The following RGL1 variants were observed in gnomAD, a reference collection of about 807,000 sequenced individuals.
The protein encoded by RGL1 is ral guanine nucleotide dissociation stimulator-like 1.
RGL1 carries 24 observed loss-of-function variants against 95.2 expected under a neutral mutation model. The observed-to-expected ratio is 0.25, with a 90% CI of 0.18 to 0.35. The LOEUF (loss-of-function observed/expected upper bound fraction) is 0.35, where lower values mean the gene tolerates loss of function less well. RGL1 is among the 10% of genes least tolerant of loss of function. RGL1 has a pLI of 1.00. For missense variants in RGL1, 715 were observed against 936.3 expected (o/e 0.76, Z 3.08); for synonymous variants, 329 against 344.9 (o/e 0.95, Z 0.51).
intron 1 of RGL1, among the ~76,000 whole-genome samples, chr1:183,732,811 A>G (rs1656706158): frequency 6.6e-6 from 1 of 152,196 alleles, no homozygotes; most frequent in Non-Finnish European, 1.5e-5. Context: ...CATTGAATGT[A>G]TCCCAGTAAG....
intron 2 of RGL1, among the ~76,000 whole-genome samples, chr1:183,768,902 G>A (rs1445343912): frequency 6.6e-6 from 1 of 152,132 alleles, no homozygotes; most frequent in Non-Finnish European, 1.5e-5. Context: ...ATCCTGAACT[G>A]TCATATAAGA....
At chr1:183,643,224 A>G (rs1650045428) in intron 1 of RGL1, among the ~76,000 whole-genome samples, 1 of 152,180 alleles carries the variant, frequency 6.6e-6, no homozygotes. Flanking sequence ...ATACTGCTAT[A>G]AACATGGGTG....
chr1:183,644,460 A>G (rs1341681968), intron 1 of RGL1, among the ~76,000 whole-genome samples: 2 of 151,994 alleles, frequency 1.3e-5, no homozygotes, highest in Admixed American at 6.6e-5. Context: ...GGGTCTTGCT[A>G]TGTTGCCCAG....
At chr1:183,760,678 T>G (rs2102305926) in intron 2 of RGL1, among the ~76,000 whole-genome samples, 1 of 147,816 alleles carries the variant, frequency 6.8e-6, no homozygotes, top group African/African-American at 2.5e-5. Flanking sequence ...TCAGCAATCC[T>G]CACTCAGGAG....
chr1:183,712,215 A>G (rs934500988), intron 1 of RGL1, among the ~76,000 whole-genome samples: 2 of 152,202 alleles, frequency 1.3e-5, no homozygotes, highest in African/African-American at 4.8e-5. Context: ...TAGTTTAAGA[A>G]GGGCTGACTG....
chr1:183,662,124 C>A (rs28874952), intron 1 of RGL1, among the ~76,000 whole-genome samples: 1 of 139,238 alleles, frequency 7.2e-6, no homozygotes, highest in Non-Finnish European at 1.6e-5. Flanking sequence ...GGCAAAAACT[C>A]GAAGCATTCC....
chr1:183,896,986 C>G (rs1384105679), intron 9 of RGL1, among the ~76,000 whole-genome samples: 2 of 152,160 alleles, frequency 1.3e-5, no homozygotes, highest in African/African-American at 2.4e-5. Flanking sequence ...CAGAAAACTT[C>G]CGGTGCAAAA....
chr1:183,641,876 A>G (rs192299581), intron 1 of RGL1, among the ~76,000 whole-genome samples: 46 of 152,242 alleles, frequency 3.0e-4, no homozygotes, highest in African/African-American at 1.1e-3. Context: ...TCAATTTTAG[A>G]ATTTATGGTT....
chr1:183,821,111 C>T (rs748270828), intron 2 of RGL1, among the ~76,000 whole-genome samples: 5 of 151,754 alleles, frequency 3.3e-5, no homozygotes, highest in East Asian at 3.9e-4. Flanking sequence ...CCAGCCTGGG[C>T]GACAAGAGCG....
At chr1:183,866,438 G>A (rs749427191) in intron 4 of RGL1, among the ~76,000 whole-genome samples, 12 of 152,180 alleles carry the variant, frequency 7.9e-5, no homozygotes, top group Non-Finnish European at 1.5e-4. Flanking sequence ...TTGGCTATGT[G>A]TAGGGTGCCC....
At chr1:183,854,928 G>A (rs1665041172) in intron 3 of RGL1, among the ~76,000 whole-genome samples, 1 of 152,138 alleles carries the variant, frequency 6.6e-6, no homozygotes, top group Non-Finnish European at 1.5e-5. Context: ...AAGTGCTTAA[G>A]AGATTACTAT....
rs1459923029 is a variant in RGL1, at chr1:183,892,144, C to T, written c.1123C>T (p.Arg375Ter). 6.2e-7 allele frequency: 1 copy of T among 1,611,674 alleles called. No individual in the cohort carries two copies. Residue 375 changes from arginine to a stop codon, truncating the protein, a stop_gained, in exon 9 of 18, where the codon CGA (arginine) becomes TGA (stop). Transcript: ENST00000360851. LOFTEE classifies it high-confidence loss of function. Reference sequence around the variant, plus strand: ...AGACCATAATAACCATTTGACCAGCCGAGAACTACTGATGAAGGTGAGGCT... The same window carrying T: ...AGACCATAATAACCATTTGACCAGCTGAGAACTACTGATGAAGGTGAGGCT... ...FSDHNNHLTS[R>*]ELLMKEGTSK...
At chr1:183,805,936 CTTTTCTTTTTTTCT>C (rs1314013918) in intron 1 of RGL1, among the ~76,000 whole-genome samples, 2 of 95,690 alleles carry the variant, frequency 2.1e-5, no homozygotes, top group African/African-American at 3.7e-5. Flanking sequence ...CAGACTTATT[CTTTTCTTTTTTTCT>C]TTTTCTTTTT....
Position 183,888,630 on chromosome 1 carries a change from T to G in RGL1, c.1055+53T>G, listed in dbSNP as rs1667253167. The G allele has an allele frequency of 5.5e-6, 6 of 1,082,452 alleles. No individual in the cohort carries two copies. The Admixed American group carries it at 1.0e-4, about 18-fold the overall frequency. The allele number at this position is 1,082,452 out of a possible 1,614,324, so 67.1% of individuals were successfully genotyped here. On this transcript the variant is annotated intron_variant, in intron 8 of 17. Coordinates refer to ENST00000360851, the MANE Select transcript of RGL1 (RefSeq NM_001297671.3). ...TTCTTTGGCCGGGATAATTAGTGGT[T>G]GTGATGAGTCCTCACCTTCAAAGCT... is the stretch of plus-strand genomic sequence containing the variant.
chr1:183,677,622 T>A (rs10911397), intron 1 of RGL1, among the ~76,000 whole-genome samples: 12,324 of 152,262 alleles, frequency 0.081, 917 homozygotes, highest in African/African-American at 0.2. Context: ...AATGGGGTTT[T>A]CCAGAGAGGG....
intron 1 of RGL1, among the ~76,000 whole-genome samples, chr1:183,689,036 G>A (rs1301026182): frequency 6.6e-6 from 1 of 152,088 alleles, no homozygotes. Flanking sequence ...CTTAAAGGCA[G>A]ACAGATCATT....
chr1:183,647,597 TGAGA>T (rs1650380136), intron 1 of RGL1: 7 of 1,498,762 alleles, frequency 4.7e-6, no homozygotes, highest in African/African-American at 1.4e-5. Flanking sequence ...GGCTCAGCCC[TGAGA>T]GAGAAAGTTT....
At chr1:183,805,997 T>TTTTTTTTTTTTTTTTTTTTTTTC (rs1661303439) in intron 1 of RGL1, among the ~76,000 whole-genome samples, 10 of 80,558 alleles carry the variant, frequency 1.2e-4, no homozygotes, top group South Asian at 3.9e-4. Context: ...TTTTTTTTTT[T>TTTTTTTTTTTTTTTTTTTTTTTC]TTTTTTTTTT....
At chr1:183,835,848 C>T (rs2102501028) in intron 2 of RGL1, among the ~76,000 whole-genome samples, 1 of 152,264 alleles carries the variant, frequency 6.6e-6, no homozygotes, top group East Asian at 1.9e-4. Flanking sequence ...TACAAAAATC[C>T]TATGAAGTCT....
Sources: gnomAD v4.1 joint callset for allele counts (sites outside exome capture counted in the v4.1 genomes callset) on GRCh38, gnomAD v4.1.1 for gene constraint, MANE v1.5 for transcripts, NCBI Gene and HGNC (gene_info 2026-07-23, HGNC 2026-07-21) for gene names.